STARD10: variants seen among roughly 807,000 people sequenced by gnomAD.
STARD10 encodes StAR related lipid transfer domain containing 10, also known as START domain-containing protein 10.
Under a neutral mutation model 36.0 loss-of-function variants are expected in STARD10, and 24 were observed. The observed-to-expected ratio is 0.67, with a 90% confidence interval of 0.48 to 0.94. STARD10 has a LOEUF of 0.94. Ranked by LOEUF, STARD10 falls within the 40% of genes least tolerant of loss-of-function variation. The probability of loss-of-function intolerance (pLI) is 0.00; values close to 1 mark genes in which losing one functional copy is unlikely to be tolerated. For missense variants in STARD10, 335 were observed against 396.6 expected (o/e 0.84, Z 1.32); for synonymous variants, 156 against 161.9 (o/e 0.96, Z 0.28).
At chr11:72,766,084 C>T (rs1858785021) in intron 2 of STARD10, 1 of 152,016 alleles carries the variant, frequency 6.6e-6, no homozygotes, top group Admixed American at 6.6e-5. Context: ...TACTGTTTTC[C>T]CCCTTCTCAC....
Position 72,754,890 on chromosome 11 carries a change from G to C in STARD10, c.*7C>G. ...GTCCTGTCTCCGTCCCTGAAGCGGT[G>C]CGGCGCTCAGGTGAGCGAGGTGTCG... On this transcript the variant is annotated 3_prime_UTR_variant, in exon 7 of 7. Coordinates refer to ENST00000334805, the MANE Select transcript of STARD10 (RefSeq NM_006645.3). 1 of 1,595,808 alleles carries C rather than the reference G, an allele frequency of 6.3e-7. No individual in the cohort carries two copies. The highest frequency in any genetic ancestry group is 8.5e-7 in the Non-Finnish European group (1 of 1,177,420).
chr11:72,788,016 C>CA (rs1859096166), intron 1 of STARD10, among the ~76,000 whole-genome samples: 1 of 152,148 alleles, frequency 6.6e-6, no homozygotes, highest in Admixed American at 6.5e-5. Flanking sequence ...GGGGCAGCCC[C>CA]AAAACATAGC....
intron 1 of STARD10, among the ~76,000 whole-genome samples, chr11:72,791,249 G>C (rs199943219): frequency 1.3e-5 from 2 of 152,156 alleles, no homozygotes; most frequent in East Asian, 3.9e-4. Context: ...AGCCAGGTCT[G>C]AGGGCAATCC....
chr11:72,773,611 T>C (rs1215179972), intron 2 of STARD10, among the ~76,000 whole-genome samples: 1 of 152,124 alleles, frequency 6.6e-6, no homozygotes, highest in African/African-American at 2.4e-5. Context: ...CCCGGGGCTG[T>C]CACGTGGGTA....
At chr11:72,764,018 C>T (rs770399817) in intron 2 of STARD10, among the ~76,000 whole-genome samples, 2 of 152,202 alleles carry the variant, frequency 1.3e-5, no homozygotes, top group Non-Finnish European at 2.9e-5. Flanking sequence ...AGCACTCAAG[C>T]GTGGCTTCTG....
At chr11:72,765,758 G>A (rs1311644573) in intron 2 of STARD10, among the ~76,000 whole-genome samples, 1 of 150,240 alleles carries the variant, frequency 6.7e-6, no homozygotes, top group Non-Finnish European at 1.5e-5. Context: ...ATCATTTGAG[G>A]TCAGGAGTTC....
chr11:72,761,227 C>T (rs930630656), intron 2 of STARD10, among the ~76,000 whole-genome samples: 2 of 152,054 alleles, frequency 1.3e-5, no homozygotes, highest in African/African-American at 2.4e-5. Flanking sequence ...AATCATTCCA[C>T]GGGACTCCTG....
chr11:72,774,575 G>A (rs977201749), intron 2 of STARD10, among the ~76,000 whole-genome samples: 7 of 152,256 alleles, frequency 4.6e-5, no homozygotes, highest in African/African-American at 1.7e-4. Flanking sequence ...GGGTGGGGCT[G>A]TCTCAAGCCC....
rs74758702 is a variant in STARD10 at position 72,757,654 on chromosome 11, C to T, written c.577+113G>A. The stretch of plus-strand genomic sequence containing the variant: ...AGGAAGGCTTTGGATGGAAATGCCC[C>T]AAAATGCAAAACAGCTCCTAACAGA... On this transcript the variant is annotated intron_variant, in intron 5 of 6. Transcript: ENST00000334805. 5.2e-6 allele frequency: 5 copies of T among 965,614 alleles called. No individual in the cohort carries two copies. In the East Asian group the frequency reaches 1.0e-4, roughly 20 times the overall value. The allele number at this position is 965,614 out of a possible 1,614,324, so 59.8% of individuals were successfully genotyped here.
intron 2 of STARD10, among the ~76,000 whole-genome samples, chr11:72,765,800 G>C (rs1858780174): frequency 8.7e-6 from 1 of 115,196 alleles, no homozygotes; most frequent in Non-Finnish European, 1.6e-5. Context: ...GTGAAAACCT[G>C]TCTCTACTAA....
Position 72,781,840 on chromosome 11 carries a change from GGGGGC to G in STARD10, c.-113-551_-113-547del, listed in dbSNP as rs1565244256. 3 of 17,656 alleles carry G rather than the reference GGGGGC, an allele frequency of 1.7e-4. 1 individual carries two copies. The highest frequency in any genetic ancestry group is 5.1e-4 in the African/African-American group (3 of 5,868). 1.1% of individuals were successfully genotyped at this position (17,656 alleles called of 1,614,324 possible). On this transcript the variant is annotated intron_variant, in intron 1 of 6. Transcript: ENST00000334805. The surrounding 1 kb of genome is among the most constrained non-coding windows in gnomAD (Gnocchi z 4.7). ...CCCCTCCCGGCTAGGCTGGGGGCTC[GGGGGC>G]TCGGGGGCTCGGCGGCCGCGGCTCG...
chr11:72,756,083 A>G lies in STARD10; in HGVS notation c.578-330T>C, dbSNP rs192834133. 600 of 205,720 alleles carry G rather than the reference A, an allele frequency of 2.9e-3. 13 individuals carry two copies. Among genetic ancestry groups the G allele is most frequent in the East Asian group, 1.1e-3 (9 of 7,856 alleles). The allele number at this position is 205,720 out of a possible 1,614,324, so 12.7% of individuals were successfully genotyped here. ...CCTGCTGCCTCACTCAATCACACTG[A>G]CATCCCTTCTCAACCTAACCTCCCT... On this transcript the variant is annotated intron_variant, in intron 5 of 6. Transcript: ENST00000334805.
intron 2 of STARD10, among the ~76,000 whole-genome samples, chr11:72,767,112 G>C (rs1858802491): frequency 6.6e-6 from 1 of 152,192 alleles, no homozygotes; most frequent in African/African-American, 2.4e-5. Context: ...TTTCCCAACA[G>C]AACCATATTC....
chr11:72,774,901 A>T (rs1414910611), intron 2 of STARD10, among the ~76,000 whole-genome samples: 1 of 152,156 alleles, frequency 6.6e-6, no homozygotes. Flanking sequence ...CCTTTCTCTC[A>T]TCTCCTGAAA....
intron 2 of STARD10, among the ~76,000 whole-genome samples, chr11:72,777,284 C>T (rs764820882): frequency 6.6e-6 from 1 of 152,260 alleles, no homozygotes; most frequent in Non-Finnish European, 1.5e-5. Context: ...TGCTGTCTGC[C>T]TGCTCCTCAT....
rs150239236 is a variant in STARD10, at chr11:72,784,853, G to A, written c.-113-3559C>T. On this transcript the variant is annotated intron_variant, in intron 1 of 6. Transcript: ENST00000334805. ...GAAGGCGCTTGACAAACTGAGAAGC[G>A]GCGTGGGAATGTGAGGCATCATTAC... Among the ~76,000 whole-genome samples the A allele has an allele frequency of 7.6e-3, 1,155 of 152,316 alleles. 6 individuals are homozygous for A. Among genetic ancestry groups the A allele is most frequent in the Middle Eastern group, 0.054 (16 of 294 alleles).
chr11:72,767,288 G>A lies in STARD10; in HGVS notation c.208-7907C>T, dbSNP rs559224001. Among the ~76,000 whole-genome samples the A allele has an allele frequency of 3.3e-4, 50 of 152,290 alleles. 1 individual carries two copies. Among genetic ancestry groups the A allele is most frequent in the African/African-American group, 1.0e-3 (43 of 41,552 alleles). The stretch of plus-strand genomic sequence containing the variant: ...CACCTGGACCATGGACCCCACAGGG[G>A]CTGAAATTTAGCTCAAACCACCTCT... On this transcript the variant is annotated intron_variant, in intron 2 of 6. Coordinates refer to ENST00000334805, the MANE Select transcript of STARD10 (RefSeq NM_006645.3).
intron 2 of STARD10, among the ~76,000 whole-genome samples, chr11:72,770,792 C>A (rs940580246): frequency 2.0e-5 from 3 of 151,976 alleles, no homozygotes; most frequent in African/African-American, 7.3e-5. Flanking sequence ...GGAGACGGCA[C>A]CCAGATGAAA....
At chr11:72,757,051 A>G (rs545366158) in intron 5 of STARD10, among the ~76,000 whole-genome samples, 5 of 151,592 alleles carry the variant, frequency 3.3e-5, no homozygotes, top group Non-Finnish European at 7.4e-5. Context: ...AGGCTGGGGC[A>G]GGAGAATCAT....
Sources: gnomAD v4.1 joint callset for allele counts (sites outside exome capture counted in the v4.1 genomes callset) on GRCh38, gnomAD v4.1.1 for gene constraint, Gnocchi (gnomAD v3.1) non-coding constraint, MANE v1.5 for transcripts, NCBI Gene and HGNC (gene_info 2026-07-23, HGNC 2026-07-21) for gene names.